IRF2: variants seen among roughly 807,000 people sequenced by gnomAD.
IRF2 encodes the protein interferon regulatory factor 2.
A neutral mutation model predicts 40.6 loss-of-function variants in IRF2; 15 were observed. The ratio of observed to expected loss-of-function variants is 0.37; its 90% CI spans 0.25 to 0.57. The LOEUF (loss-of-function observed/expected upper bound fraction) is 0.57. Among genes scored for constraint, IRF2 ranks in the 20% least tolerant of loss-of-function variants. The pLI, the probability that IRF2 is intolerant of heterozygous loss-of-function variation, is 0.77. For synonymous variants in IRF2, 151 were observed against 165.5 expected, an observed-to-expected ratio of 0.91 and a Z score of 0.67; for missense variants, 317 against 455.7, an observed-to-expected ratio of 0.70 and a Z score of 2.77.
At chr4:184,441,373 C>T (rs535594657) in intron 1 of IRF2, among the ~76,000 whole-genome samples, 2 of 152,332 alleles carry the variant, frequency 1.3e-5, no homozygotes, top group East Asian at 3.9e-4. Flanking sequence ...ATGGAAACAT[C>T]GTTTCCCGGC....
At chr4:184,461,755 C>T (rs1220437982) in intron 1 of IRF2, among the ~76,000 whole-genome samples, 1 of 108,334 alleles carries the variant, frequency 9.2e-6, no homozygotes, top group South Asian at 3.2e-4. Context: ...AAACAAAAAT[C>T]GCAATGCATT....
intron 1 of IRF2, among the ~76,000 whole-genome samples, chr4:184,445,819 G>C (rs562736032): frequency 6.6e-6 from 1 of 152,296 alleles, no homozygotes; most frequent in Admixed American, 6.5e-5. Context: ...GTACTGGGTT[G>C]AACAGTGGCC....
intron 1 of IRF2, among the ~76,000 whole-genome samples, chr4:184,429,405 G>A (rs1029656077): frequency 4.6e-5 from 7 of 152,132 alleles, no homozygotes; most frequent in Admixed American, 1.3e-4. Context: ...TGAGGCTTCC[G>A]TTGCTCAGAG....
At chr4:184,409,822 G>A (rs754333358) in intron 5 of IRF2, among the ~76,000 whole-genome samples, 43 of 151,928 alleles carry the variant, frequency 2.8e-4, no homozygotes, top group Admixed American at 1.4e-3. Context: ...TCCTGAGCCC[G>A]GGAGTTCAAG....
chr4:184,425,564 G>A lies in IRF2; in HGVS notation c.87+3414C>T, dbSNP rs935485302. Among the ~76,000 whole-genome samples the A allele has an allele frequency of 2.6e-5, 4 of 152,248 alleles. No individual in the cohort carries two copies. In the East Asian group the frequency reaches 7.7e-4, roughly 29 times the overall value. ...GGCACGGGCCGGCAGCCACGGGCAC[G>A]CTCTCCTTCATCAGCCTGGCTCAGG... On this transcript the variant is annotated intron_variant, in intron 2 of 8. Coordinates refer to ENST00000393593, the MANE Select transcript of IRF2 (RefSeq NM_002199.4).
chr4:184,454,835 A>G (rs1172209202), intron 1 of IRF2, among the ~76,000 whole-genome samples: 1 of 152,198 alleles, frequency 6.6e-6, no homozygotes, highest in Non-Finnish European at 1.5e-5. Context: ...AGCTACCGTG[A>G]GAAGAAACAG....
At chr4:184,418,430 C>A in intron 4 of IRF2, 102 bp downstream of exon 4, 1 of 1,150,636 alleles carries the variant, frequency 8.7e-7, no homozygotes, top group South Asian at 1.3e-5. Context: ...CATGAACAGG[C>A]TATTCTACCT....
chr4:184,409,534 C>T (rs566488820), intron 5 of IRF2, among the ~76,000 whole-genome samples: 22 of 152,264 alleles, frequency 1.4e-4, no homozygotes, highest in Admixed American at 2.6e-4. Flanking sequence ...CTACCAGGCA[C>T]GATTTTTACT....
At chr4:184,430,181 CCT>C (rs1422452275) in intron 1 of IRF2, among the ~76,000 whole-genome samples, 2 of 152,192 alleles carry the variant, frequency 1.3e-5, no homozygotes, top group Non-Finnish European at 1.5e-5. Flanking sequence ...CCATGGACTT[CCT>C]CTCTCCTCTA....
intron 1 of IRF2, among the ~76,000 whole-genome samples, chr4:184,450,600 C>T (rs757052671): frequency 1.6e-4 from 25 of 152,084 alleles, no homozygotes; most frequent in Non-Finnish European, 2.6e-4. Flanking sequence ...TCCTTTAAGT[C>T]GAGTTTACCT....
intron 5 of IRF2, among the ~76,000 whole-genome samples, chr4:184,416,943 G>A (rs1737300184): frequency 1.3e-5 from 2 of 152,138 alleles, no homozygotes; most frequent in African/African-American, 4.8e-5. Context: ...CTACTCGGGA[G>A]GTTGAGGCAG....
chr4:184,455,830 C>T (rs572030331), intron 1 of IRF2, among the ~76,000 whole-genome samples: 2 of 152,294 alleles, frequency 1.3e-5, no homozygotes, highest in South Asian at 2.1e-4. Context: ...TTTTGAATTA[C>T]GTTGGTTCAA....
chr4:184,390,782 T>C (rs1369830938), intron 7 of IRF2, 33 bp from the exon 8 acceptor site: 28 of 1,612,380 alleles, frequency 1.7e-5, no homozygotes, highest in Non-Finnish European at 2.3e-5. Context: ...AGGGCCATCA[T>C]TCCTGTCCCT....
intron 6 of IRF2, among the ~76,000 whole-genome samples, chr4:184,405,831 C>T (rs956147326): frequency 1.3e-5 from 2 of 152,116 alleles, no homozygotes; most frequent in Admixed American, 1.3e-4. Context: ...AAGATGACAG[C>T]TTTCTTGAGT....
chr4:184,411,202 T>A (rs998284265), intron 5 of IRF2, among the ~76,000 whole-genome samples: 1 of 151,892 alleles, frequency 6.6e-6, no homozygotes, highest in African/African-American at 2.4e-5. Flanking sequence ...GGATTACAGG[T>A]GCCTGCCACC....
At chr4:184,409,656 G>A (rs750661640) in intron 5 of IRF2, among the ~76,000 whole-genome samples, 1 of 152,184 alleles carries the variant, frequency 6.6e-6, no homozygotes, top group African/African-American at 2.4e-5. Context: ...CACTTTGGGA[G>A]GCTGAGGCTG....
intron 1 of IRF2, among the ~76,000 whole-genome samples, chr4:184,433,448 G>A (rs1412363236): frequency 6.6e-6 from 1 of 152,178 alleles, no homozygotes; most frequent in Non-Finnish European, 1.5e-5. Flanking sequence ...CACCGGCTGG[G>A]TGCATTCCTC....
chr4:184,464,130 A>G (rs573866355), intron 1 of IRF2, among the ~76,000 whole-genome samples: 2 of 152,312 alleles, frequency 1.3e-5, no homozygotes, highest in Admixed American at 6.5e-5. Flanking sequence ...GCATATGAAG[A>G]CAGCGACCAT....
intron 1 of IRF2, among the ~76,000 whole-genome samples, chr4:184,429,705 A>C (rs1314625774): frequency 6.6e-6 from 1 of 151,958 alleles, no homozygotes; most frequent in Non-Finnish European, 1.5e-5. Flanking sequence ...TCTCTCACCC[A>C]AGTGTCTTTC....
Sources: gnomAD v4.1 joint callset for allele counts (sites outside exome capture counted in the v4.1 genomes callset) on GRCh38, gnomAD v4.1.1 for gene constraint, MANE v1.5 for transcripts, NCBI Gene and HGNC (gene_info 2026-07-23, HGNC 2026-07-21) for gene names.